The following CAMKMT variants were observed in gnomAD, a reference collection of about 807,000 sequenced individuals.
CAMKMT encodes the protein calmodulin-lysine N-methyltransferase, also known as CaM KMT.
CAMKMT carries 53 observed loss-of-function variants against 48.0 expected under a neutral mutation model. The ratio of observed to expected loss-of-function variants is 1.10; its 90% CI spans 0.89 to 1.39. CAMKMT has a LOEUF of 1.39. CAMKMT is among the 40% of genes most tolerant of loss of function. CAMKMT has a pLI of 0.00. For synonymous variants in CAMKMT, 165 were observed against 152.3 expected (o/e 1.08, Z -0.61); for missense variants, 428 against 402.7 (o/e 1.06, Z -0.54).
At chr2:44,743,577 A>T (rs556742032) in intron 7 of CAMKMT, 45 bp from the exon 8 acceptor site, 69 of 1,404,072 alleles carry the variant, frequency 4.9e-5, no homozygotes, top group South Asian at 2.4e-4. Flanking sequence ...ATCAAAATTT[A>T]AAAAAAACCC....
chr2:44,381,623 G>A (rs1429833611), intron 2 of CAMKMT, among the ~76,000 whole-genome samples: 1 of 152,184 alleles, frequency 6.6e-6, no homozygotes, highest in Non-Finnish European at 1.5e-5. Context: ...GACATCCATT[G>A]AACTTGGCAG....
chr2:44,381,030 G>C (rs549406162), intron 2 of CAMKMT, among the ~76,000 whole-genome samples: 45 of 152,018 alleles, frequency 3.0e-4, no homozygotes, highest in African/African-American at 1.1e-3. Flanking sequence ...AGTGGTGGCA[G>C]ACACCTGTAA....
Position 44,454,172 on chromosome 2 carries a change from G to A in CAMKMT, c.376+63867G>A, listed in dbSNP as rs142243006. On this transcript the variant is annotated intron_variant, in intron 3 of 10. Transcript: ENST00000378494. ...AACTCATACTATGAAAAATAATAGG[G>A]TAAGTCAGAGTGAGTTATTTCATTC... Among the ~76,000 whole-genome samples, 291 of 152,154 alleles carry A rather than the reference G, an allele frequency of 1.9e-3. 2 individuals are homozygous for A. Among genetic ancestry groups the A allele is most frequent in the Admixed American group, 0.017 (267 of 15,258 alleles).
intron 3 of CAMKMT, among the ~76,000 whole-genome samples, chr2:44,665,583 C>T (rs764128583): frequency 3.3e-5 from 5 of 152,160 alleles, no homozygotes; most frequent in Non-Finnish European, 7.4e-5. Flanking sequence ...GATGGTTGAT[C>T]AGATTTTTAA....
At chr2:44,680,348 CTT>C (rs1398162518) in intron 3 of CAMKMT, among the ~76,000 whole-genome samples, 3 of 152,126 alleles carry the variant, frequency 2.0e-5, no homozygotes, top group Non-Finnish European at 2.9e-5. Flanking sequence ...TTGTCACACT[CTT>C]TTTTTGAGAG....
intron 2 of CAMKMT, among the ~76,000 whole-genome samples, chr2:44,387,471 T>G (rs930978913): frequency 6.6e-6 from 1 of 152,212 alleles, no homozygotes; most frequent in African/African-American, 2.4e-5. Context: ...TATTTTACGG[T>G]TCTGTGTCTT....
At chr2:44,461,334 C>A (rs149681632) in intron 3 of CAMKMT, among the ~76,000 whole-genome samples, 1 of 151,788 alleles carries the variant, frequency 6.6e-6, no homozygotes, top group African/African-American at 2.4e-5. Flanking sequence ...CATTAAATAT[C>A]TCATTAAAAA....
intron 1 of CAMKMT, among the ~76,000 whole-genome samples, chr2:44,368,209 G>C (rs1678813915): frequency 6.6e-6 from 1 of 152,110 alleles, no homozygotes; most frequent in Non-Finnish European, 1.5e-5. Context: ...CTTCACCCCA[G>C]ATAATTTCAT....
In CAMKMT at chr2:44,657,931, C is replaced by T. The variant is rs1573009088; in HGVS notation, c.377-46352C>T. Among the ~76,000 whole-genome samples, 2 of 152,164 alleles carry T rather than the reference C, an allele frequency of 1.3e-5. No individual in the cohort carries two copies. The highest frequency in any genetic ancestry group is 2.9e-5 in the Non-Finnish European group (2 of 68,026). On this transcript the variant is annotated intron_variant, in intron 3 of 10. Transcript: ENST00000378494. This position sits in a 1 kb window ranked among gnomAD's most constrained non-coding sequence, Gnocchi z 4.3. ...TAAATGTCTCATTTTCCTCCATACT[C>T]TGTTTTTATATAAAATAATGGTATC...
intron 3 of CAMKMT, among the ~76,000 whole-genome samples, chr2:44,493,992 C>G (rs1347246821): frequency 6.6e-6 from 1 of 152,186 alleles, no homozygotes; most frequent in Non-Finnish European, 1.5e-5. Context: ...ATTTTTAACA[C>G]AAATAACACC....
rs187114836 is a variant in CAMKMT at position 44,497,407 on chromosome 2, T to C, written c.376+107102T>C. ...AAATGAATGTGTACATTTCAGTATG[T>C]GTAGTGGAATGGATTCAGGAAATTC... is the stretch of plus-strand genomic sequence containing the variant. On this transcript the variant is annotated intron_variant, in intron 3 of 10. Coordinates refer to ENST00000378494, the MANE Select transcript of CAMKMT (RefSeq NM_024766.5). 4.5e-3 allele frequency among the ~76,000 whole-genome samples: 687 copies of C among 152,244 alleles called. 3 individuals are homozygous for C. The highest frequency in any genetic ancestry group is 6.9e-3 in the Admixed American group (106 of 15,278).
chr2:44,730,450 AT>A (rs1679021855), intron 7 of CAMKMT, among the ~76,000 whole-genome samples: 1 of 152,142 alleles, frequency 6.6e-6, no homozygotes, highest in African/African-American at 2.4e-5. Context: ...GACGATTATG[AT>A]TTTGCTACTT....
intron 3 of CAMKMT, chr2:44,549,568 C>T (rs981588537): frequency 2.9e-6 from 2 of 694,508 alleles, no homozygotes; most frequent in African/African-American, 1.8e-5. Context: ...CAGGGTCTCA[C>T]TCTGTTGCCC....
intron 3 of CAMKMT, among the ~76,000 whole-genome samples, chr2:44,528,082 G>T (rs931125571): frequency 2.0e-5 from 3 of 152,058 alleles, no homozygotes; most frequent in African/African-American, 7.2e-5. Context: ...AGATTATTTG[G>T]TGCAGCAAAC....
rs150285339 is a variant in CAMKMT, at chr2:44,518,704, A to G, written c.376+128399A>G. On this transcript the variant is annotated intron_variant, in intron 3 of 10. Transcript: ENST00000378494. ...GTCATGAAGGTAAATGATATTCTGT[A>G]TTCGCCAGAGTGCAAGTGTCCTTAA... 1.0e-3 allele frequency among the ~76,000 whole-genome samples: 159 copies of G among 152,326 alleles called. 1 individual carries two copies. Among genetic ancestry groups the G allele is most frequent in the African/African-American group, 3.7e-3 (152 of 41,558 alleles).
chr2:44,538,255 G>A (rs1206561788), intron 3 of CAMKMT, among the ~76,000 whole-genome samples: 1 of 151,928 alleles, frequency 6.6e-6, no homozygotes, highest in Non-Finnish European at 1.5e-5. Flanking sequence ...TGTAATCCCA[G>A]CTACTCGGGA....
chr2:44,542,129 CAAA>C (rs542034096), intron 3 of CAMKMT, among the ~76,000 whole-genome samples: 8 of 99,172 alleles, frequency 8.1e-5, no homozygotes, highest in Non-Finnish European at 8.4e-5. Context: ...AACTCTGTCT[CAAA>C]AAAAAAAAAA....
intron 5 of CAMKMT, 91 bp from the exon 6 acceptor site, chr2:44,707,308 C>A: frequency 2.0e-6 from 2 of 1,006,510 alleles, no homozygotes; most frequent in East Asian, 2.4e-5. Flanking sequence ...GGTGAGGAAG[C>A]ATGATACTGA....
At chr2:44,723,936 A>G (rs948853282) in intron 7 of CAMKMT, 1 of 152,196 alleles carries the variant, frequency 6.6e-6, no homozygotes, top group African/African-American at 2.4e-5. Context: ...TGATCAGATA[A>G]TCTGTTTCAA....
Sources: gnomAD v4.1 joint callset for allele counts (sites outside exome capture counted in the v4.1 genomes callset) on GRCh38, gnomAD v4.1.1 for gene constraint, Gnocchi (gnomAD v3.1) non-coding constraint, MANE v1.5 for transcripts, NCBI Gene and HGNC (gene_info 2026-07-23, HGNC 2026-07-21) for gene names.